The following LRRTM3 variants were observed in gnomAD, a reference collection of about 807,000 sequenced individuals.
The protein encoded by LRRTM3 is leucine-rich repeat transmembrane neuronal protein 3.
Under a neutral mutation model 44.7 loss-of-function variants are expected in LRRTM3, and 24 were observed. That is an observed-to-expected ratio of 0.54 (90% CI 0.39 to 0.76). The LOEUF is 0.76. Among genes scored for constraint, LRRTM3 ranks in the 30% least tolerant of loss-of-function variants. The pLI, the probability that LRRTM3 is intolerant of heterozygous loss-of-function variation, is 0.00. For synonymous variants in LRRTM3, 277 were observed against 278.7 expected (o/e 0.99, Z 0.06); for missense variants, 587 against 702.2 (o/e 0.84, Z 1.85).
chr10:67,089,044 TG>T (rs897021422), intron 2 of LRRTM3, among the ~76,000 whole-genome samples: 4 of 152,022 alleles, frequency 2.6e-5, no homozygotes, highest in Non-Finnish European at 4.4e-5. Flanking sequence ...TTTAAATATA[TG>T]GGAGGATGTG....
intron 2 of LRRTM3, among the ~76,000 whole-genome samples, chr10:66,964,923 A>T (rs753175995): frequency 1.3e-5 from 2 of 152,250 alleles, no homozygotes; most frequent in Non-Finnish European, 2.9e-5. Context: ...GAAACATTTT[A>T]CACAAAAGTT....
intron 2 of LRRTM3, among the ~76,000 whole-genome samples, chr10:67,021,727 C>G (rs191114667): frequency 2.0e-5 from 3 of 152,208 alleles, no homozygotes; most frequent in Admixed American, 6.5e-5. Context: ...AAAATTTCCT[C>G]TTAAGATTTC....
chr10:66,992,079 C>A (rs1463903708), intron 2 of LRRTM3, among the ~76,000 whole-genome samples: 1 of 152,120 alleles, frequency 6.6e-6, no homozygotes, highest in Non-Finnish European at 1.5e-5. Context: ...ACTTCCTCAG[C>A]CTTATCAGAT....
chr10:67,035,612 G>A (rs1384155707), intron 2 of LRRTM3, among the ~76,000 whole-genome samples: 1 of 152,080 alleles, frequency 6.6e-6, no homozygotes, highest in African/African-American at 2.4e-5. Flanking sequence ...AAGAGAAGCA[G>A]AAATATAAGG....
chr10:67,065,189 G>C (rs1925578), intron 2 of LRRTM3, among the ~76,000 whole-genome samples: 52,632 of 151,852 alleles, frequency 0.35, 9,636 homozygotes, highest in Middle Eastern at 0.55. Context: ...AGAAAAAAAG[G>C]GTATTTGACA....
At chr10:67,013,730 T>G (rs1392876835) in intron 2 of LRRTM3, among the ~76,000 whole-genome samples, 1 of 152,170 alleles carries the variant, frequency 6.6e-6, no homozygotes, top group Non-Finnish European at 1.5e-5. Flanking sequence ...AATCAAAATT[T>G]TCCTTTAAAG....
chr10:66,956,645 T>C (rs1589488629), intron 2 of LRRTM3, among the ~76,000 whole-genome samples: 1 of 152,322 alleles, frequency 6.6e-6, no homozygotes, highest in Middle Eastern at 3.4e-3. Context: ...TGAAATTAAT[T>C]CCTCTTATTA....
At chr10:67,076,697 A>G (rs1042709582) in intron 2 of LRRTM3, among the ~76,000 whole-genome samples, 3 of 152,222 alleles carry the variant, frequency 2.0e-5, no homozygotes, top group Non-Finnish European at 4.4e-5. Context: ...GTAACCAAAC[A>G]TGGTACAGGG....
chr10:66,982,972 C>T (rs1228005925), intron 2 of LRRTM3, among the ~76,000 whole-genome samples: 3 of 152,108 alleles, frequency 2.0e-5, no homozygotes, highest in South Asian at 2.1e-4. Flanking sequence ...GCTCTGAAGG[C>T]GCCCTCGGCT....
chr10:67,082,918 T>G lies in LRRTM3; in HGVS notation c.1537-14669T>G, dbSNP rs541172324. Reference sequence around the variant, plus strand: ...ACTAGAAGCCACCCACCTCCTATATTAACTACATCAATGAAATTAAGTGCT... The same window carrying G: ...ACTAGAAGCCACCCACCTCCTATATGAACTACATCAATGAAATTAAGTGCT... On this transcript the variant is annotated intron_variant, in intron 2 of 2. Coordinates refer to ENST00000361320, the MANE Select transcript of LRRTM3 (RefSeq NM_178011.5). 2.6e-3 allele frequency among the ~76,000 whole-genome samples: 399 copies of G among 152,210 alleles called. 9 individuals carry two copies. The highest frequency in any genetic ancestry group is 0.024 in the Middle Eastern group (7 of 294).
At chr10:67,021,454 G>A (rs964561623) in intron 2 of LRRTM3, among the ~76,000 whole-genome samples, 4 of 151,738 alleles carry the variant, frequency 2.6e-5, no homozygotes, top group South Asian at 2.1e-4. Context: ...TTTAAATACC[G>A]TTCATACAAA....
At chr10:67,071,723 C>T (rs1446415831) in intron 2 of LRRTM3, among the ~76,000 whole-genome samples, 1 of 152,076 alleles carries the variant, frequency 6.6e-6, no homozygotes, top group Admixed American at 6.5e-5. Flanking sequence ...CTCTCCTCTC[C>T]TTTGGGACTT....
At chr10:67,042,655 T>C (rs555996180) in intron 2 of LRRTM3, among the ~76,000 whole-genome samples, 150 of 151,352 alleles carry the variant, frequency 9.9e-4, no homozygotes, top group African/African-American at 3.3e-3. Context: ...AAAAGTCAAG[T>C]AGGGTGAGGA....
At chr10:66,991,460 G>T (rs1316524932) in intron 2 of LRRTM3, among the ~76,000 whole-genome samples, 1 of 152,026 alleles carries the variant, frequency 6.6e-6, no homozygotes, top group African/African-American at 2.4e-5. Context: ...TATTTATTTT[G>T]ATTTTTGAAG....
At chr10:67,009,227 A>C (rs1182904102) in intron 2 of LRRTM3, among the ~76,000 whole-genome samples, 1 of 152,102 alleles carries the variant, frequency 6.6e-6, no homozygotes. Context: ...CAAGAATACA[A>C]ATTATATTTA....
intron 2 of LRRTM3, among the ~76,000 whole-genome samples, chr10:67,094,130 A>G (rs1857826363): frequency 6.6e-6 from 1 of 151,996 alleles, no homozygotes; most frequent in African/African-American, 2.4e-5. Flanking sequence ...TATATGTAAT[A>G]TTTTTCATGA....
At chr10:67,073,103 C>A (rs535234176) in intron 2 of LRRTM3, among the ~76,000 whole-genome samples, 1 of 152,186 alleles carries the variant, frequency 6.6e-6, no homozygotes, top group Non-Finnish European at 1.5e-5. Flanking sequence ...GAAATAAATA[C>A]ATGCATGCCT....
chr10:66,950,706 T>C (rs1449837119), intron 2 of LRRTM3, among the ~76,000 whole-genome samples: 1 of 152,204 alleles, frequency 6.6e-6, no homozygotes, highest in Non-Finnish European at 1.5e-5. Context: ...TCCTGAATTA[T>C]AAGCAACCTT....
intron 2 of LRRTM3, among the ~76,000 whole-genome samples, chr10:67,023,935 T>C (rs1440472785): frequency 1.3e-5 from 2 of 152,258 alleles, no homozygotes; most frequent in African/African-American, 4.8e-5. Flanking sequence ...AGATAATTTC[T>C]AGGATTATTT....
Sources: gnomAD v4.1 joint callset for allele counts (sites outside exome capture counted in the v4.1 genomes callset) on GRCh38, gnomAD v4.1.1 for gene constraint, MANE v1.5 for transcripts, NCBI Gene and HGNC (gene_info 2026-07-23, HGNC 2026-07-21) for gene names.